Variants in HMGN5 observed in about 807,000 individuals in gnomAD.
The protein encoded by HMGN5 is high mobility group nucleosome binding domain 5.
HMGN5 carries 4 observed loss-of-function variants against 9.5 expected under a neutral mutation model. The ratio of observed to expected loss-of-function variants is 0.42; its 90% confidence interval spans 0.21 to 0.96. The LOEUF (loss-of-function observed/expected upper bound fraction) is 0.96, where lower values mean the gene tolerates loss of function less well. HMGN5 is among the 40% of genes least tolerant of loss of function. HMGN5 has a pLI of 0.30. For missense variants in HMGN5, 192 were observed against 187.5 expected (o/e 1.02, Z -0.14); for synonymous variants, 55 against 57.1 (o/e 0.96, Z 0.16).
rs986472883 is a variant in HMGN5, at chrX:81,131,588, C to T, written c.-123-9916G>A. Among the ~76,000 whole-genome samples the T allele has an allele frequency of 3.6e-5, 4 of 111,196 alleles. 1 individual carries two copies. Among genetic ancestry groups the T allele is most frequent in the Admixed American group, 1.9e-4 (2 of 10,462 alleles). On this transcript the variant is annotated intron_variant, in intron 1 of 6. Coordinates refer to ENST00000358130, the MANE Select transcript of HMGN5 (RefSeq NM_030763.3). ...TTGCTTAAAATGTTGACAAGACTGG[C>T]GAATATATGGCATATGTACCATCAT... is the stretch of plus-strand genomic sequence containing the variant.
intron 1 of HMGN5, among the ~76,000 whole-genome samples, chrX:81,161,559 G>A (rs2147572190): frequency 9.0e-6 from 1 of 111,114 alleles, no homozygotes; most frequent in Admixed American, 9.6e-5. Flanking sequence ...CCTGTAAGTA[G>A]AGTGCTGTTA....
chrX:81,168,478 TG>T (rs1172938429), intron 1 of HMGN5, among the ~76,000 whole-genome samples: 3 of 111,599 alleles, frequency 2.7e-5, no homozygotes, highest in Non-Finnish European at 5.6e-5. Flanking sequence ...CTATTGAGAA[TG>T]GAGATTCAAT....
chrX:81,166,151 T>C (rs2075410596), intron 1 of HMGN5, among the ~76,000 whole-genome samples: 3 of 111,176 alleles, frequency 2.7e-5, no homozygotes, highest in African/African-American at 9.8e-5. Context: ...GCTAAATGTC[T>C]TTTGAATGAC....
chrX:81,157,497 G>T (rs1315703800), intron 1 of HMGN5, among the ~76,000 whole-genome samples: 1 of 111,225 alleles, frequency 9.0e-6, no homozygotes, highest in African/African-American at 3.3e-5. Context: ...CATGGTTAGG[G>T]CAGCATTATT....
chrX:81,177,237 T>G (rs1305951980), intron 1 of HMGN5, among the ~76,000 whole-genome samples: 1 of 107,787 alleles, frequency 9.3e-6, no homozygotes, highest in Non-Finnish European at 1.9e-5. Context: ...GAATTTCATA[T>G]TCAGCCAAAC....
intron 1 of HMGN5, among the ~76,000 whole-genome samples, chrX:81,163,581 G>A (rs1387951324): frequency 1.8e-5 from 2 of 111,711 alleles, no homozygotes; most frequent in African/African-American, 3.2e-5. Context: ...ACTCACTACT[G>A]CTGGAACTGG....
At chrX:81,160,723 A>G (rs2075395776) in intron 1 of HMGN5, among the ~76,000 whole-genome samples, 1 of 111,683 alleles carries the variant, frequency 9.0e-6, no homozygotes, top group African/African-American at 3.3e-5. Context: ...ATGGCTGCAT[A>G]GTATTCCATG....
rs1293434604 is a variant in HMGN5, at chrX:81,129,137, G to C, written c.-123-7465C>G. ...ACATAGTGTCCCAGACTATAAAGTGGCTGTGGGACGCCAAATCAGAAAATA... is the reference window on the plus strand; with the variant it reads ...ACATAGTGTCCCAGACTATAAAGTGCCTGTGGGACGCCAAATCAGAAAATA... On this transcript the variant is annotated intron_variant, in intron 1 of 6. Coordinates refer to ENST00000358130, the MANE Select transcript of HMGN5 (RefSeq NM_030763.3). Among the ~76,000 whole-genome samples the C allele has an allele frequency of 3.6e-5, 4 of 111,258 alleles. No homozygotes were observed. In the East Asian group the frequency reaches 1.1e-3, roughly 32 times the overall value.
intron 1 of HMGN5, among the ~76,000 whole-genome samples, chrX:81,123,073 T>G (rs949443675): frequency 2.7e-5 from 3 of 111,237 alleles, no homozygotes; most frequent in African/African-American, 9.8e-5. Context: ...GTTAAAAAAT[T>G]TGGAATAATC....
intron 1 of HMGN5, among the ~76,000 whole-genome samples, chrX:81,181,330 ACATAGTATGTG>A (rs1397192439): frequency 9.0e-6 from 1 of 111,560 alleles, no homozygotes; most frequent in Non-Finnish European, 1.9e-5. Flanking sequence ...TTGTGTGGGT[ACATAGTATGTG>A]CATATATTTA....
intron 1 of HMGN5, among the ~76,000 whole-genome samples, chrX:81,147,397 A>T (rs1375384931): frequency 9.0e-6 from 1 of 111,669 alleles, no homozygotes; most frequent in Admixed American, 9.5e-5. Context: ...GACAAAAACC[A>T]CGTGATTATT....
chrX:81,118,488 G>C lies in HMGN5; in HGVS notation c.76-3C>G. 1 of 1,168,547 alleles carries C rather than the reference G, an allele frequency of 8.6e-7. No individual in the cohort carries two copies. Among genetic ancestry groups the C allele is most frequent in the Non-Finnish European group, 1.2e-6 (1 of 867,047 alleles). On this transcript the variant is annotated splice_region_variant and splice_polypyrimidine_tract_variant and intron_variant, in intron 4 of 6. Transcript: ENST00000358130. ...TCTGGTGTAACTGGCACAAGCATCT[G>C]CTTCAAGTTGTGGGAAAAGAAAAGA...
At chrX:81,159,485 A>G (rs1243330258) in intron 1 of HMGN5, among the ~76,000 whole-genome samples, 1 of 111,831 alleles carries the variant, frequency 8.9e-6, no homozygotes, top group Admixed American at 9.5e-5. Context: ...TATGGGTTTC[A>G]TAATATGACG....
In HMGN5 at chrX:81,201,894, G is replaced by A. The variant is rs2147660217; in HGVS notation, c.-281C>T. On this transcript the variant is annotated 5_prime_UTR_variant, in exon 1 of 7. Coordinates refer to ENST00000358130, the MANE Select transcript of HMGN5 (RefSeq NM_030763.3). ...CTTCTTCTCCTCGCCCTCTTCTCAGGGAAGGAATCGTCAAAAATCAATGTT... is the reference window on the plus strand; with the variant it reads ...CTTCTTCTCCTCGCCCTCTTCTCAGAGAAGGAATCGTCAAAAATCAATGTT... 1 of 308,201 alleles carries A rather than the reference G, an allele frequency of 3.2e-6. No homozygotes were observed. Among genetic ancestry groups the A allele is most frequent in the Non-Finnish European group, 5.6e-6 (1 of 178,317 alleles). 25.4% of individuals were successfully genotyped at this position (308,201 alleles called of 1,213,427 possible). A position where few individuals can be genotyped will look rare whatever the true frequency, so the allele number is the denominator to read the frequency against.
In HMGN5 at chrX:81,118,307, G is replaced by A. The variant is rs758747959; in HGVS notation, c.129+125C>T. 59 of 401,210 alleles carry A rather than the reference G, an allele frequency of 1.5e-4. No individual in the cohort carries two copies. In the South Asian group the frequency reaches 2.8e-3, roughly 19 times the overall value. 33.1% of individuals were successfully genotyped at this position (401,210 alleles called of 1,213,427 possible). A position where few individuals can be genotyped will look rare whatever the true frequency, so the allele number is the denominator to read the frequency against. On this transcript the variant is annotated intron_variant, in intron 5 of 6. Transcript: ENST00000358130. The stretch of plus-strand genomic sequence containing the variant: ...AGGGGTTTACATGTATCATATGATA[G>A]AATATAATATATTACTAACTGAACA...
chrX:81,178,383 C>T (rs1204078918), intron 1 of HMGN5, among the ~76,000 whole-genome samples: 1 of 111,173 alleles, frequency 9.0e-6, no homozygotes, highest in Non-Finnish European at 1.9e-5. Flanking sequence ...GGGATATCAC[C>T]ACCGATCCCA....
intron 1 of HMGN5, among the ~76,000 whole-genome samples, chrX:81,132,156 G>A (rs183549941): frequency 3.6e-5 from 4 of 111,010 alleles, no homozygotes; most frequent in East Asian, 5.6e-4. Context: ...AGCAAACTGG[G>A]GAGGTGAAAG....
rs777192956 is a variant in HMGN5 at position 81,121,577 on chromosome X, G to A, written c.-28C>T. ...TTGTAGCTCTCTATAGGAGATCTTAGTCAGCAGAAAAAAAGCCGAAGGCAG... is the reference window on the plus strand; with the variant it reads ...TTGTAGCTCTCTATAGGAGATCTTAATCAGCAGAAAAAAAGCCGAAGGCAG... On this transcript the variant is annotated 5_prime_UTR_variant, in exon 2 of 7. Coordinates refer to ENST00000358130, the MANE Select transcript of HMGN5 (RefSeq NM_030763.3). 8.7e-6 allele frequency: 10 copies of A among 1,155,720 alleles called. No individual in the cohort carries two copies. Among genetic ancestry groups the A allele is most frequent in the South Asian group, 2.0e-5 (1 of 49,858 alleles).
Position 81,174,410 on chromosome X carries a change from A to C in HMGN5, c.-124+27327T>G, listed in dbSNP as rs192127110. Among the ~76,000 whole-genome samples, 4 of 111,687 alleles carry C rather than the reference A, an allele frequency of 3.6e-5. No individual in the cohort carries two copies. In the East Asian group the frequency reaches 1.1e-3, roughly 31 times the overall value. ...AGTACATAAATTCTTTGAATGCATG[A>C]AAGTCCCTTGACCCAGCTGAAATAC... On this transcript the variant is annotated intron_variant, in intron 1 of 6. Transcript: ENST00000358130.
Sources: gnomAD v4.1 joint callset for allele counts (sites outside exome capture counted in the v4.1 genomes callset) on GRCh38, gnomAD v4.1.1 for gene constraint, MANE v1.5 for transcripts, NCBI Gene and HGNC (gene_info 2026-07-23, HGNC 2026-07-21) for gene names.